Variants in ZNF638 observed in about 807,000 individuals in gnomAD.
The protein encoded by ZNF638 is zinc finger protein 638.
Under a neutral mutation model 195.6 loss-of-function variants are expected in ZNF638, and 46 were observed. That is an observed-to-expected ratio of 0.24 (90% CI 0.19 to 0.30). ZNF638 has a LOEUF of 0.30. ZNF638 is among the 10% of genes least tolerant of loss of function. The pLI is 1.00. For missense variants in ZNF638, 2,440 were observed against 2,325.3 expected, an observed-to-expected ratio of 1.05 and a Z score of -1.01; for synonymous variants, 845 against 772.0, an observed-to-expected ratio of 1.09 and a Z score of -1.57.
At chr2:71,424,537 G>C (rs1043120463) in intron 22 of ZNF638, 113 bp from the exon 23 acceptor site, 1 of 771,912 alleles carries the variant, frequency 1.3e-6, no homozygotes, top group South Asian at 1.8e-5. Context: ...TTGCATAATT[G>C]ACTGTATTTG....
chr2:71,369,335 A>C (rs1423593623), intron 7 of ZNF638, among the ~76,000 whole-genome samples: 11 of 152,038 alleles, frequency 7.2e-5, no homozygotes, highest in East Asian at 3.9e-4. Flanking sequence ...AAAAAAAAAA[A>C]AAAAAAAGTT....
chr2:71,410,357 A>T (rs1345744145), intron 20 of ZNF638, among the ~76,000 whole-genome samples: 1 of 149,828 alleles, frequency 6.7e-6, no homozygotes, highest in African/African-American at 2.5e-5. Flanking sequence ...ACTTTATTTT[A>T]TTTGATTTTT....
chr2:71,366,878 C>A (rs1300717481), intron 6 of ZNF638, among the ~76,000 whole-genome samples: 2 of 152,100 alleles, frequency 1.3e-5, no homozygotes, highest in African/African-American at 4.8e-5. Context: ...TTTATTAAAT[C>A]ACTATTAATA....
At chr2:71,333,999 T>C (rs1428541406) in intron 1 of ZNF638, among the ~76,000 whole-genome samples, 1 of 152,252 alleles carries the variant, frequency 6.6e-6, no homozygotes, top group Non-Finnish European at 1.5e-5. Flanking sequence ...AATAGAATTT[T>C]GGAGTTGAAA....
At chr2:71,409,005 G>A (rs1423731002) in intron 20 of ZNF638, among the ~76,000 whole-genome samples, 1 of 152,048 alleles carries the variant, frequency 6.6e-6, no homozygotes, top group Non-Finnish European at 1.5e-5. Context: ...AGCAGAACAT[G>A]CATTTTTAAA....
At chr2:71,407,813 G>T (rs2080135532) in intron 19 of ZNF638, 1 of 188,402 alleles carries the variant, frequency 5.3e-6, no homozygotes, top group Non-Finnish European at 1.1e-5. Flanking sequence ...TTAGTATAAT[G>T]TCTCTAAGGT....
chr2:71,431,270 A>G, intron 25 of ZNF638, 57 bp from the exon 26 acceptor site: 1 of 1,453,738 alleles, frequency 6.9e-7, no homozygotes, highest in Non-Finnish European at 9.5e-7. Flanking sequence ...TCCAATGTTA[A>G]CTTTACAAAG....
chr2:71,428,981 T>TA (rs1007370134), intron 25 of ZNF638: 1 of 201,332 alleles, frequency 5.0e-6, no homozygotes, highest in Non-Finnish European at 1.0e-5. Flanking sequence ...GCCAATGAAT[T>TA]AAACAAGAAG....
chr2:71,365,159 T>C (rs983157435), intron 5 of ZNF638, among the ~76,000 whole-genome samples: 1 of 152,210 alleles, frequency 6.6e-6, no homozygotes, highest in Admixed American at 6.5e-5. Context: ...CAATTTAATT[T>C]CTAATATGGT....
intron 3 of ZNF638, among the ~76,000 whole-genome samples, chr2:71,359,848 T>C (rs1478385965): frequency 6.6e-6 from 1 of 152,208 alleles, no homozygotes; most frequent in Non-Finnish European, 1.5e-5. Flanking sequence ...TCTCTGGCTT[T>C]ATTGGCTCTT....
intron 6 of ZNF638, among the ~76,000 whole-genome samples, chr2:71,367,469 T>TTGA (rs1311610573): frequency 1.4e-5 from 2 of 146,412 alleles, no homozygotes; most frequent in Non-Finnish European, 3.0e-5. Flanking sequence ...AGTCTCGCTC[T>TTGA]GTCACCCAGG....
intron 1 of ZNF638, among the ~76,000 whole-genome samples, chr2:71,339,403 A>G (rs1213724025): frequency 6.6e-6 from 1 of 152,126 alleles, no homozygotes; most frequent in Non-Finnish European, 1.5e-5. Context: ...CGCCCTCCTC[A>G]GCCTCCCAAA....
At position 71,423,933 on chromosome 2, in the gene ZNF638, C is replaced by A. The variant is rs765768442; in HGVS notation, c.4419C>A (p.Ala1473=). 1.2e-6 allele frequency: 2 copies of A among 1,613,840 alleles called. No individual in the cohort carries two copies. The highest frequency in any genetic ancestry group is 1.3e-5 in the African/African-American group (1 of 74,902). ...GAGGAGGCAGTGGAAGGATCTCAGC[C>A]CTGCAAGGCAAGCTTTCTAAACTGG... is the stretch of plus-strand genomic sequence containing the variant. ...LTRGGSGRIS[A]LQGKLSKLDY... is the part of the protein sequence containing the mutation. Residue 1473 remains alanine (A), a synonymous_variant, in exon 22 of 28, where the codon GCC becomes GCA. Coordinates refer to ENST00000264447, the MANE Select transcript of ZNF638 (RefSeq NM_014497.5).
At chr2:71,367,269 A>T (rs2079216873) in intron 6 of ZNF638, among the ~76,000 whole-genome samples, 1 of 151,568 alleles carries the variant, frequency 6.6e-6, no homozygotes, top group Non-Finnish European at 1.5e-5. Flanking sequence ...TTTAGTAAAA[A>T]ATAAGAGAAA....
At chr2:71,370,120 C>A in intron 8 of ZNF638, 115 bp downstream of exon 8, 1 of 1,107,158 alleles carries the variant, frequency 9.0e-7, no homozygotes, top group Non-Finnish European at 1.3e-6. Context: ...TAGCTCAACA[C>A]ATTATATGTG....
chr2:71,401,484 TCACAAGG>T (rs1325916978), intron 15 of ZNF638, among the ~76,000 whole-genome samples: 2 of 152,112 alleles, frequency 1.3e-5, no homozygotes, highest in African/African-American at 4.8e-5. Flanking sequence ...GGGGATATTA[TCACAAGG>T]CACAGGGATG....
rs1486493781 is a variant in ZNF638, at chr2:71,349,673, A to G, written c.719A>G (p.Asn240Ser). ...DPEIPTDEVE[N>S]EFQSQQNISA... Reference sequence around the variant, plus strand: ...GAAATTCCAACTGATGAGGTCGAGAATGAATTTCAGTCACAGCAGAACATT... The same window carrying G: ...GAAATTCCAACTGATGAGGTCGAGAGTGAATTTCAGTCACAGCAGAACATT... The change falls in exon 2 of 28, where the codon AAT becomes AGT. Residue 240 changes from asparagine (N) to serine (S), a missense_variant. Asn to Ser is a conservative substitution (Grantham distance 46). Transcript: ENST00000264447. 1.9e-6 allele frequency: 3 copies of G among 1,614,220 alleles called. No individual in the cohort carries two copies. The highest frequency in any genetic ancestry group is 1.7e-6 in the Non-Finnish European group (2 of 1,180,036).
At position 71,404,059 on chromosome 2, in the gene ZNF638, T is replaced by A. The variant is rs2080056679; in HGVS notation, c.2958+61T>A. ...AGTTTTTAAATCAGATTTGTTACAG[T>A]CTGTTATGTTTTCTAGTTTTCCACT... On this transcript the variant is annotated intron_variant, in intron 17 of 27. Transcript: ENST00000264447. 6.6e-6 allele frequency: 10 copies of A among 1,517,322 alleles called. 1 individual carries two copies. In the South Asian group the frequency reaches 1.0e-4, roughly 15 times the overall value. 94.0% of individuals were successfully genotyped at this position (1,517,322 alleles called of 1,614,324 possible). A position where few individuals can be genotyped will look rare whatever the true frequency, so the allele number is the denominator to read the frequency against.
At chr2:71,386,594 T>G (rs1236607537) in intron 10 of ZNF638, among the ~76,000 whole-genome samples, 1 of 152,142 alleles carries the variant, frequency 6.6e-6, no homozygotes, top group East Asian at 1.9e-4. Context: ...AATATGATAG[T>G]ACGAAGGAAA....
Sources: gnomAD v4.1 joint callset for allele counts (sites outside exome capture counted in the v4.1 genomes callset) on GRCh38, gnomAD v4.1.1 for gene constraint, MANE v1.5 for transcripts, NCBI Gene and HGNC (gene_info 2026-07-23, HGNC 2026-07-21) for gene names.